Variants in SLC9A8 observed in about 807,000 individuals in gnomAD.
SLC9A8 encodes solute carrier family 9 member A8.
SLC9A8 carries 48 observed loss-of-function variants against 66.6 expected under a neutral mutation model. That is an observed-to-expected ratio of 0.72 (90% CI 0.57 to 0.92). The LOEUF (loss-of-function observed/expected upper bound fraction) is 0.92. SLC9A8 is among the 40% of genes least tolerant of loss of function. The probability of loss-of-function intolerance (pLI) is 0.00; values close to 1 mark genes in which losing one functional copy is unlikely to be tolerated. For synonymous variants in SLC9A8, 274 were observed against 282.6 expected (o/e 0.97, Z 0.31); for missense variants, 599 against 747.3 (o/e 0.80, Z 2.31).
chr20:49,886,458 G>C lies in SLC9A8; in HGVS notation c.1492-294G>C. On this transcript the variant is annotated intron_variant, in intron 14 of 15. Coordinates refer to ENST00000361573, the MANE Select transcript of SLC9A8 (RefSeq NM_015266.3). The surrounding 1 kb of genome is among the most constrained non-coding windows in gnomAD (Gnocchi z 4.8). ...CAGAACAGCAGTTCTGGTCCTGGTT[G>C]CATGATAGAATCACCCAAAAGCTTG... 1 of 306,008 alleles carries C rather than the reference G, an allele frequency of 3.3e-6. No homozygotes were observed. The highest frequency in any genetic ancestry group is 6.0e-6 in the Non-Finnish European group (1 of 166,326). 19.0% of individuals were successfully genotyped at this position (306,008 alleles called of 1,614,324 possible). A position where few individuals can be genotyped will look rare whatever the true frequency, so the allele number is the denominator to read the frequency against.
intron 10 of SLC9A8, among the ~76,000 whole-genome samples, chr20:49,865,859 G>A (rs1044257340): frequency 4.6e-5 from 7 of 152,244 alleles, no homozygotes; most frequent in African/African-American, 1.7e-4. Flanking sequence ...CCCATCCTTT[G>A]AGTGAAGGCC....
At chr20:49,875,492 G>A (rs2089389174) in intron 11 of SLC9A8, among the ~76,000 whole-genome samples, 3 of 152,092 alleles carry the variant, frequency 2.0e-5, no homozygotes, top group Admixed American at 6.6e-5. Context: ...GACATCACTC[G>A]GGGACAGTTC....
chr20:49,836,350 T>C (rs2087534168), intron 3 of SLC9A8, among the ~76,000 whole-genome samples: 1 of 152,176 alleles, frequency 6.6e-6, no homozygotes, highest in African/African-American at 2.4e-5. Context: ...CACTTTTTTT[T>C]TGAAATGGAG....
intron 5 of SLC9A8, 121 bp downstream of exon 5, chr20:49,845,240 G>A: frequency 1.4e-6 from 1 of 716,654 alleles, no homozygotes; most frequent in South Asian, 1.6e-5. Context: ...GCTCCTTCCT[G>A]GTTGTGCTCA....
At chr20:49,834,485 T>A (rs73123870) in intron 3 of SLC9A8, among the ~76,000 whole-genome samples, 5,864 of 102,450 alleles carry the variant, frequency 0.057, 349 homozygotes, top group Non-Finnish European at 0.067. Context: ...ATATATATAC[T>A]GTATATATAC....
rs1163009096 is a variant in SLC9A8, at chr20:49,891,909, C to T, written c.*3973C>T. 2.0e-5 allele frequency: 3 copies of T among 152,240 alleles called. No individual in the cohort carries two copies. Among genetic ancestry groups the T allele is most frequent in the Non-Finnish European group, 4.4e-5 (3 of 68,040 alleles). The allele number at this position is 152,240 out of a possible 1,614,324, so 9.4% of individuals were successfully genotyped here. ...GTCCTCAAGATGGATGTGAATCTTA[C>T]ATTCCTTTTCATCATTTCCTTTGTA... On this transcript the variant is annotated 3_prime_UTR_variant, in exon 16 of 16. Transcript: ENST00000361573.
At chr20:49,882,411 G>A (rs1026238848) in intron 13 of SLC9A8, among the ~76,000 whole-genome samples, 1 of 152,254 alleles carries the variant, frequency 6.6e-6, no homozygotes. Context: ...CCGGCCTCTG[G>A]GCCATGCTCC....
At chr20:49,880,009 C>G (rs1273641590) in intron 12 of SLC9A8, among the ~76,000 whole-genome samples, 1 of 151,996 alleles carries the variant, frequency 6.6e-6, no homozygotes, top group Non-Finnish European at 1.5e-5. Flanking sequence ...ACCTGTAATC[C>G]TAGCACTTTG....
chr20:49,829,169 A>G (rs1185820425), intron 3 of SLC9A8: 1 of 151,470 alleles, frequency 6.6e-6, no homozygotes, highest in African/African-American at 2.4e-5. Context: ...TGTGGGGGAA[A>G]CTCGGCTGGT....
chr20:49,824,147 A>C (rs1233298850), intron 3 of SLC9A8, among the ~76,000 whole-genome samples: 1 of 152,214 alleles, frequency 6.6e-6, no homozygotes, highest in African/African-American at 2.4e-5. Context: ...GTGAGGCTTC[A>C]CATTGTCATC....
intron 7 of SLC9A8, 104 bp downstream of exon 7, chr20:49,850,948 G>A: frequency 2.8e-6 from 2 of 723,250 alleles, no homozygotes; most frequent in South Asian, 3.0e-5. Flanking sequence ...CTCTCTCTGT[G>A]TATTTATTTT....
At chr20:49,873,482 C>CAAA (rs3092533) in intron 10 of SLC9A8, among the ~76,000 whole-genome samples, 88 of 103,082 alleles carry the variant, frequency 8.5e-4, no homozygotes, top group Middle Eastern at 5.7e-3. Context: ...ACCCTGTCTC[C>CAAA]AAAAAAAAAA....
intron 14 of SLC9A8, among the ~76,000 whole-genome samples, chr20:49,884,727 G>A (rs2089827736): frequency 6.6e-6 from 1 of 152,120 alleles, no homozygotes; most frequent in South Asian, 2.1e-4. Flanking sequence ...AGGTACCCAG[G>A]CCCCAGCTGT....
chr20:49,815,340 C>G (rs764545111), intron 2 of SLC9A8, 151 bp downstream of exon 2: 17 of 490,550 alleles, frequency 3.5e-5, no homozygotes, highest in Non-Finnish European at 5.5e-5. Flanking sequence ...CAGTTTATAA[C>G]ATCATTAACA....
chr20:49,879,064 GA>G (rs2089534600), intron 12 of SLC9A8, among the ~76,000 whole-genome samples: 1 of 152,156 alleles, frequency 6.6e-6, no homozygotes, highest in African/African-American at 2.4e-5. Context: ...GGCCACTGGG[GA>G]AAAGGGACAC....
At chr20:49,885,471 A>T (rs2089856132) in intron 14 of SLC9A8, among the ~76,000 whole-genome samples, 1 of 152,180 alleles carries the variant, frequency 6.6e-6, no homozygotes, top group Admixed American at 6.5e-5. Context: ...GACTCCAGAC[A>T]GGCGTGACCC....
rs1338060063 is a variant in SLC9A8, at chr20:49,888,338, C to G, written c.*402C>G. On this transcript the variant is annotated 3_prime_UTR_variant, in exon 16 of 16. Coordinates refer to ENST00000361573, the MANE Select transcript of SLC9A8 (RefSeq NM_015266.3). ...CCCCAGCCACTGCCTTCATGCTGCC[C>G]CCGCCGGACTGGCAGAGCCAGGGGT... The G allele has an allele frequency of 5.5e-6, 1 of 181,636 alleles. No individual in the cohort carries two copies. The highest frequency in any genetic ancestry group is 1.2e-5 in the Non-Finnish European group (1 of 83,766). 11.3% of individuals were successfully genotyped at this position (181,636 alleles called of 1,614,324 possible). A position where few individuals can be genotyped will look rare whatever the true frequency, so the allele number is the denominator to read the frequency against.
intron 10 of SLC9A8, among the ~76,000 whole-genome samples, chr20:49,871,006 T>C (rs887145354): frequency 3.3e-5 from 5 of 152,230 alleles, no homozygotes; most frequent in African/African-American, 1.2e-4. Flanking sequence ...AGCCTATTAC[T>C]TTAAAGATAA....
At chr20:49,818,494 T>C in intron 2 of SLC9A8, among the ~76,000 whole-genome samples, 1 of 151,232 alleles carries the variant, frequency 6.6e-6, no homozygotes, top group East Asian at 1.9e-4. Context: ...TTTTTTTTTT[T>C]TTTTTTTTCC....
Sources: gnomAD v4.1 joint callset for allele counts (sites outside exome capture counted in the v4.1 genomes callset) on GRCh38, gnomAD v4.1.1 for gene constraint, Gnocchi (gnomAD v3.1) non-coding constraint, MANE v1.5 for transcripts, NCBI Gene and HGNC (gene_info 2026-07-23, HGNC 2026-07-21) for gene names.